Variants in SLC44A5 observed in about 807,000 individuals in gnomAD.
The protein encoded by SLC44A5 is choline transporter-like protein 5.
Under a neutral mutation model 101.8 loss-of-function variants are expected in SLC44A5, and 57 were observed. The ratio of observed to expected loss-of-function variants is 0.56; its 90% confidence interval spans 0.45 to 0.70. The LOEUF is 0.70. SLC44A5 is among the 30% of genes least tolerant of loss of function. SLC44A5 has a pLI of 0.00. For synonymous variants in SLC44A5, 281 were observed against 290.9 expected, an observed-to-expected ratio of 0.97 and a Z score of 0.35; for missense variants, 737 against 853.1, an observed-to-expected ratio of 0.86 and a Z score of 1.70.
chr1:75,302,020 T>A lies in SLC44A5; in HGVS notation c.102-1335A>T, dbSNP rs184054286. On this transcript the variant is annotated intron_variant, in intron 4 of 23. Transcript: ENST00000370859. ...AGCAACAAACTGTCATTTGTTTAAATCTAGTTTCAACCCAGGAATTTTTAA... is the reference window on the plus strand; with the variant it reads ...AGCAACAAACTGTCATTTGTTTAAAACTAGTTTCAACCCAGGAATTTTTAA... Among the ~76,000 whole-genome samples the A allele has an allele frequency of 9.5e-4, 144 of 150,936 alleles. 1 individual carries two copies. The highest frequency in any genetic ancestry group is 3.0e-3 in the African/African-American group (124 of 41,168).
intron 3 of SLC44A5, among the ~76,000 whole-genome samples, chr1:75,385,046 A>G (rs991987003): frequency 1.6e-4 from 24 of 152,178 alleles, no homozygotes; most frequent in Admixed American, 2.0e-4. Context: ...TCTCTGGGAC[A>G]CATTCAAAGC....
chr1:75,563,152 G>T (rs1157636000), intron 1 of SLC44A5, among the ~76,000 whole-genome samples: 1 of 151,892 alleles, frequency 6.6e-6, no homozygotes, highest in African/African-American at 2.4e-5. Flanking sequence ...TCCCTCCTTT[G>T]GTAGGAAAAT....
intron 11 of SLC44A5, 82 bp from the exon 12 acceptor site, chr1:75,234,180 T>C: frequency 8.5e-6 from 7 of 820,370 alleles, no homozygotes; most frequent in Non-Finnish European, 1.2e-5. Context: ...ACTTTTTTTC[T>C]ATTCAAAATT....
intron 16 of SLC44A5, among the ~76,000 whole-genome samples, chr1:75,218,953 C>G (rs183286261): frequency 6.6e-6 from 1 of 152,202 alleles, no homozygotes; most frequent in Admixed American, 6.5e-5. Context: ...TCATCAAATG[C>G]TCATAATCTG....
At chr1:75,453,640 A>G (rs1396054054) in intron 2 of SLC44A5, among the ~76,000 whole-genome samples, 2 of 152,122 alleles carry the variant, frequency 1.3e-5, no homozygotes, top group African/African-American at 4.8e-5. Context: ...CCCAAGATCA[A>G]TAGACCACTA....
At chr1:75,632,853 G>T in the SLC44A5 span, among the ~76,000 whole-genome samples, 1 of 152,126 alleles carries the variant, frequency 6.6e-6, no homozygotes. Flanking sequence ...TAATAATGGT[G>T]ATCTTTAAAA....
At chr1:75,285,091 C>A (rs1320144114) in intron 5 of SLC44A5, among the ~76,000 whole-genome samples, 1 of 152,006 alleles carries the variant, frequency 6.6e-6, no homozygotes, top group Non-Finnish European at 1.5e-5. Flanking sequence ...ACAACTTTTT[C>A]TTTGAATGTC....
At chr1:75,681,357 A>G in the SLC44A5 span, among the ~76,000 whole-genome samples, 10 of 152,158 alleles carry the variant, frequency 6.6e-5, no homozygotes, top group African/African-American at 2.4e-4. Context: ...ACAAATCCTC[A>G]ATAAAATACT....
intron 4 of SLC44A5, among the ~76,000 whole-genome samples, chr1:75,335,159 A>ACTCTGC (rs777599855): frequency 6.6e-5 from 10 of 151,946 alleles, no homozygotes; most frequent in Non-Finnish European, 1.3e-4. Context: ...AAACAATCTC[A>ACTCTGC]CTCTGCGTTC....
chr1:75,635,650 C>G, the SLC44A5 span, among the ~76,000 whole-genome samples: 1 of 96,540 alleles, frequency 1.0e-5, no homozygotes, highest in Non-Finnish European at 1.9e-5. Context: ...ACTCTGGGGA[C>G]TGTTGTGGGG....
chr1:75,560,338 T>C lies in SLC44A5; in HGVS notation c.-69-18822A>G, dbSNP rs368323329. 3.3e-5 allele frequency among the ~76,000 whole-genome samples: 5 copies of C among 152,292 alleles called. No individual in the cohort carries two copies. In the East Asian group the frequency reaches 5.8e-4, roughly 18 times the overall value. On this transcript the variant is annotated intron_variant, in intron 1 of 23. Transcript: ENST00000370859. ...GGTATATTTTCATACAATGGAATAA[T>C]ATTTAGCCACTAAAAGTCTGAATAA...
At chr1:75,624,609 C>G in the SLC44A5 span, among the ~76,000 whole-genome samples, 1 of 152,150 alleles carries the variant, frequency 6.6e-6, no homozygotes, top group Non-Finnish European at 1.5e-5. Context: ...AAAAAGAGCA[C>G]TGCTCTTGCC....
chr1:75,271,337 G>T (rs1174972452), intron 6 of SLC44A5, among the ~76,000 whole-genome samples: 1 of 151,620 alleles, frequency 6.6e-6, no homozygotes, highest in African/African-American at 2.4e-5. Context: ...GATGATTTTT[G>T]GTTCCATGGA....
At chr1:75,342,360 A>G (rs553131538) in intron 3 of SLC44A5, among the ~76,000 whole-genome samples, 1 of 152,324 alleles carries the variant, frequency 6.6e-6, no homozygotes, top group South Asian at 2.1e-4. Context: ...CAATAGCCCT[A>G]GTGTATTTAT....
At chr1:75,405,662 A>G (rs982959351) in intron 2 of SLC44A5, among the ~76,000 whole-genome samples, 2 of 152,206 alleles carry the variant, frequency 1.3e-5, no homozygotes, top group African/African-American at 4.8e-5. Flanking sequence ...AACCAATGAG[A>G]ACAAAGAGAA....
intron 3 of SLC44A5, among the ~76,000 whole-genome samples, chr1:75,389,862 C>A (rs982370970): frequency 5.3e-5 from 8 of 151,700 alleles, no homozygotes; most frequent in Admixed American, 1.3e-4. Context: ...TAAAAAGGAT[C>A]AACAAAACAA....
intron 2 of SLC44A5, among the ~76,000 whole-genome samples, chr1:75,483,920 G>A (rs1325671197): frequency 6.6e-6 from 1 of 152,120 alleles, no homozygotes; most frequent in Non-Finnish European, 1.5e-5. Context: ...GAGGTGGGAA[G>A]TGCCACACTT....
intron 13 of SLC44A5, among the ~76,000 whole-genome samples, chr1:75,226,419 T>G (rs2100535119): frequency 6.6e-6 from 1 of 152,264 alleles, no homozygotes; most frequent in African/African-American, 2.4e-5. Flanking sequence ...TTCCAGGTGC[T>G]CTGATCCCAG....
chr1:75,491,417 T>C (rs1455310733), intron 2 of SLC44A5, among the ~76,000 whole-genome samples: 1 of 152,164 alleles, frequency 6.6e-6, no homozygotes, highest in African/African-American at 2.4e-5. Flanking sequence ...CATTTCCTTA[T>C]TGTTTAAGTT....
Sources: gnomAD v4.1 joint callset for allele counts (sites outside exome capture counted in the v4.1 genomes callset) on GRCh38, gnomAD v4.1.1 for gene constraint, MANE v1.5 for transcripts, NCBI Gene and HGNC (gene_info 2026-07-23, HGNC 2026-07-21) for gene names.